SYT14: variants seen among roughly 807,000 people sequenced by gnomAD.
The protein encoded by SYT14 is synaptotagmin-14.
A neutral mutation model predicts 74.2 loss-of-function variants in SYT14; 32 were observed. The ratio of observed to expected loss-of-function variants is 0.43; its 90% CI spans 0.33 to 0.58. The LOEUF (loss-of-function observed/expected upper bound fraction) is 0.58. SYT14 is among the 20% of genes least tolerant of loss of function. The pLI, the probability that SYT14 is intolerant of heterozygous loss-of-function variation, is 0.05. For synonymous variants in SYT14, 298 were observed against 337.7 expected (o/e 0.88, Z 1.29); for missense variants, 791 against 981.8 (o/e 0.81, Z 2.60).
At chr1:209,987,658 A>G (rs1229064057) in intron 2 of SYT14, among the ~76,000 whole-genome samples, 2 of 152,192 alleles carry the variant, frequency 1.3e-5, no homozygotes, top group African/African-American at 4.8e-5. Flanking sequence ...TATCCAAACT[A>G]TATCCTTTTG....
intron 1 of SYT14, among the ~76,000 whole-genome samples, chr1:209,947,358 A>G (rs781436751): frequency 6.6e-6 from 1 of 152,208 alleles, no homozygotes; most frequent in South Asian, 2.1e-4. Flanking sequence ...TGCCATTAAG[A>G]ACATTTGTGA....
intron 7 of SYT14, among the ~76,000 whole-genome samples, chr1:210,122,566 AT>A (rs879703677): frequency 0.013 from 1,729 of 136,140 alleles, 7 homozygotes; most frequent in Non-Finnish European, 0.02. Flanking sequence ...CAGAGAGTTC[AT>A]TTTTTTTTTT....
exon 10 of SYT14, chr1:210,167,696 T>G (rs556446514): frequency 6.6e-6 from 1 of 152,206 alleles, no homozygotes; most frequent in Non-Finnish European, 1.5e-5. Flanking sequence ...TGGTGACAGC[T>G]TGAGGTCTGG....
intron 2 of SYT14, among the ~76,000 whole-genome samples, chr1:209,993,944 G>T (rs1399791820): frequency 6.6e-6 from 1 of 152,190 alleles, no homozygotes; most frequent in Non-Finnish European, 1.5e-5. Flanking sequence ...CCAAGTGCAA[G>T]TGTTTACCTA....
At position 210,059,443 on chromosome 1, in the gene SYT14, T is replaced by TAG. The variant is rs1356440193; in HGVS notation, c.1313-34878_1313-34877insGA. Among the ~76,000 whole-genome samples, 279 of 96,170 alleles carry TAG rather than the reference T, an allele frequency of 2.9e-3. 1 individual carries two copies. Among genetic ancestry groups the TAG allele is most frequent in the Middle Eastern group, 5.8e-3 (1 of 172 alleles). 63.1% of individuals were successfully genotyped at this position (96,170 alleles called of 152,430 possible). On this transcript the variant is annotated intron_variant, in intron 5 of 9. Transcript: ENST00000637265. ...ACAAGAAAGAATATATATATATATATATATATATAGAGAGAGAGAGAGAGA... is the reference window on the plus strand; with the variant it reads ...ACAAGAAAGAATATATATATATATATAGATATATATAGAGAGAGAGAGAGAGA...
chr1:210,113,967 C>T (rs2082311035), intron 7 of SYT14, among the ~76,000 whole-genome samples: 1 of 151,240 alleles, frequency 6.6e-6, no homozygotes, highest in Admixed American at 6.6e-5. Flanking sequence ...AGTTGGTAGC[C>T]TCCACATTGA....
chr1:210,086,723 A>G (rs1283317970), intron 5 of SYT14, among the ~76,000 whole-genome samples: 2 of 152,176 alleles, frequency 1.3e-5, no homozygotes, highest in African/African-American at 4.8e-5. Flanking sequence ...GCAAAGCTAG[A>G]ATATTTATGT....
At chr1:210,024,101 T>C (rs561479271) in intron 5 of SYT14, among the ~76,000 whole-genome samples, 24 of 152,240 alleles carry the variant, frequency 1.6e-4, no homozygotes, top group African/African-American at 5.5e-4. Context: ...TCTGAGGGAA[T>C]AGAAGATAAA....
chr1:210,027,016 C>T (rs996569954), intron 5 of SYT14, among the ~76,000 whole-genome samples: 1 of 151,962 alleles, frequency 6.6e-6, no homozygotes, highest in Non-Finnish European at 1.5e-5. Flanking sequence ...ACTGATCCCC[C>T]CATTCAGTCA....
Position 210,064,378 on chromosome 1 carries a change from CT to C in SYT14, c.1313-29938del, listed in dbSNP as rs1387388790. On this transcript the variant is annotated intron_variant, in intron 5 of 9. Coordinates refer to ENST00000637265, the Ensembl canonical transcript of SYT14. ...CCATCACTATTAACTATTTCCAGAA[CT>C]TTTTTATCTTCCCAAATAGAAACTC... Among the ~76,000 whole-genome samples, 5 of 151,938 alleles carry C rather than the reference CT, an allele frequency of 3.3e-5. No individual in the cohort carries two copies. The East Asian group carries it at 9.6e-4, about 29-fold the overall frequency.
At chr1:210,152,196 T>C (rs1448962161) in intron 7 of SYT14, among the ~76,000 whole-genome samples, 1 of 152,170 alleles carries the variant, frequency 6.6e-6, no homozygotes, top group Non-Finnish European at 1.5e-5. Context: ...GACTTAAGAA[T>C]ATAAAATGTG....
At chr1:210,162,060 A>C (rs1256425593) in exon 10 of SYT14, 1 of 443,764 alleles carries the variant, frequency 2.3e-6, no homozygotes, top group Non-Finnish European at 4.5e-6. Context: ...TTCTCTCTCT[A>C]AATCTTCACT....
chr1:210,090,846 C>T (rs759584321), intron 5 of SYT14, among the ~76,000 whole-genome samples: 26 of 151,854 alleles, frequency 1.7e-4, no homozygotes, highest in Admixed American at 2.6e-4. Context: ...AAACAGATTG[C>T]AAACATTTAA....
intron 5 of SYT14, among the ~76,000 whole-genome samples, chr1:210,080,680 T>C (rs2081600441): frequency 1.3e-5 from 2 of 152,184 alleles, no homozygotes; most frequent in African/African-American, 4.8e-5. Context: ...TAAGAGACAG[T>C]TTCTGCTCTT....
intron 5 of SYT14, among the ~76,000 whole-genome samples, chr1:210,070,667 C>A (rs1285931376): frequency 5.9e-5 from 9 of 152,050 alleles, no homozygotes; most frequent in Non-Finnish European, 1.3e-4. Context: ...CCGTTGTTTA[C>A]CATTTACTGG....
intron 5 of SYT14, among the ~76,000 whole-genome samples, chr1:210,041,871 T>G (rs1008273606): frequency 6.6e-6 from 1 of 152,152 alleles, no homozygotes; most frequent in Middle Eastern, 3.4e-3. Context: ...TTAGGAAAGC[T>G]GCCCTAGGTA....
chr1:210,094,972 T>A (rs2081943965), intron 6 of SYT14, among the ~76,000 whole-genome samples: 1 of 152,192 alleles, frequency 6.6e-6, no homozygotes, highest in Admixed American at 6.5e-5. Flanking sequence ...GTTTCACAAG[T>A]CTTTCAAAAT....
intron 2 of SYT14, among the ~76,000 whole-genome samples, chr1:209,957,653 C>T (rs1366140036): frequency 6.6e-6 from 1 of 152,046 alleles, no homozygotes; most frequent in Non-Finnish European, 1.5e-5. Flanking sequence ...TCTTGAACTC[C>T]CTACTTCAGG....
chr1:210,118,960 G>A (rs576831803), intron 7 of SYT14, among the ~76,000 whole-genome samples: 1 of 152,032 alleles, frequency 6.6e-6, no homozygotes, highest in South Asian at 2.1e-4. Context: ...TATACAATGG[G>A]CAAATATGTT....
Sources: gnomAD v4.1 joint callset for allele counts (sites outside exome capture counted in the v4.1 genomes callset) on GRCh38, gnomAD v4.1.1 for gene constraint, MANE v1.5 for transcripts, NCBI Gene and HGNC (gene_info 2026-07-23, HGNC 2026-07-21) for gene names.